The following VRK1 variants were observed in gnomAD, a reference collection of about 807,000 sequenced individuals.
VRK1 encodes VRK serine/threonine kinase 1, also known as serine/threonine-protein kinase VRK1.
In VRK1, 33 loss-of-function variants were observed where a neutral mutation model predicts 57.1. The ratio of observed to expected loss-of-function variants is 0.58; its 90% CI spans 0.44 to 0.77. The LOEUF (loss-of-function observed/expected upper bound fraction) is 0.77, where lower values mean the gene tolerates loss of function less well. Ranked by LOEUF, VRK1 falls within the 30% of genes least tolerant of loss-of-function variation. The pLI, the probability that VRK1 is intolerant of heterozygous loss-of-function variation, is 0.00. For synonymous variants in VRK1, 137 were observed against 147.8 expected, an observed-to-expected ratio of 0.93 and a Z score of 0.53; for missense variants, 413 against 477.3, an observed-to-expected ratio of 0.87 and a Z score of 1.25.
intron 12 of VRK1, among the ~76,000 whole-genome samples, chr14:96,876,605 C>G (rs764922856): frequency 6.6e-6 from 1 of 152,054 alleles, no homozygotes; most frequent in Non-Finnish European, 1.5e-5. Flanking sequence ...TCACACTGAT[C>G]CCACATAACT....
chr14:96,819,551 CTG>C (rs891554320), intron 1 of VRK1, among the ~76,000 whole-genome samples: 3 of 152,138 alleles, frequency 2.0e-5, no homozygotes, highest in Non-Finnish European at 2.9e-5. Context: ...CGGTTTTGGA[CTG>C]TGAATTTTAA....
intron 5 of VRK1, among the ~76,000 whole-genome samples, chr14:96,851,523 A>G (rs981592037): frequency 6.6e-6 from 1 of 152,208 alleles, no homozygotes; most frequent in Non-Finnish European, 1.5e-5. Flanking sequence ...AGATGTTTAG[A>G]CAAGATGATT....
intron 12 of VRK1, among the ~76,000 whole-genome samples, chr14:96,876,471 T>C (rs964720182): frequency 6.6e-6 from 1 of 151,904 alleles, no homozygotes; most frequent in East Asian, 1.9e-4. Flanking sequence ...GGAGTTTGAG[T>C]CCAGTCTGGG....
Position 96,876,021 on chromosome 14 carries a change from A to T in VRK1, c.1069-9A>T, listed in dbSNP as rs767585930. On this transcript the variant is annotated splice_polypyrimidine_tract_variant and intron_variant, in intron 11 of 12. Coordinates refer to ENST00000216639, the MANE Select transcript of VRK1 (RefSeq NM_003384.3). Reference sequence around the variant, plus strand: ...TATCTCTCTCTCTCTCTTTAATTTTATATGTAAGAAGCGAAAGAAAGAAAT... The same window carrying T: ...TATCTCTCTCTCTCTCTTTAATTTTTTATGTAAGAAGCGAAAGAAAGAAAT... The T allele has an allele frequency of 4.3e-6, 7 of 1,612,108 alleles. No homozygotes were observed. The highest frequency in any genetic ancestry group is 5.9e-6 in the Non-Finnish European group (7 of 1,178,868).
chr14:96,842,081 A>T (rs1159899908), intron 3 of VRK1, among the ~76,000 whole-genome samples: 1 of 152,116 alleles, frequency 6.6e-6, no homozygotes, highest in African/African-American at 2.4e-5. Context: ...AAGTTATCTG[A>T]TAAGGACCTT....
chr14:96,847,656 C>T (rs1286548878), intron 5 of VRK1, among the ~76,000 whole-genome samples: 1 of 151,934 alleles, frequency 6.6e-6, no homozygotes, highest in African/African-American at 2.4e-5. Context: ...TTCCTCCTTG[C>T]CTTTAGAAAT....
At chr14:96,849,239 CAAG>C (rs1887848841) in intron 5 of VRK1, among the ~76,000 whole-genome samples, 1 of 151,950 alleles carries the variant, frequency 6.6e-6, no homozygotes, top group South Asian at 2.1e-4. Context: ...GGGAGTAAGA[CAAG>C]AAAAACCCTT....
At chr14:96,813,617 A>G (rs1228971492) in intron 1 of VRK1, among the ~76,000 whole-genome samples, 1 of 152,084 alleles carries the variant, frequency 6.6e-6, no homozygotes, top group East Asian at 1.9e-4. Flanking sequence ...TTTGGAAGTC[A>G]TATTTCTTTT....
At chr14:96,818,939 T>C (rs1289210735) in intron 1 of VRK1, among the ~76,000 whole-genome samples, 7 of 152,222 alleles carry the variant, frequency 4.6e-5, no homozygotes, top group Middle Eastern at 3.2e-3. Context: ...ATTTTATTTT[T>C]CAAATGATTT....
chr14:96,820,686 C>T (rs1886566122), intron 1 of VRK1, among the ~76,000 whole-genome samples: 1 of 152,056 alleles, frequency 6.6e-6, no homozygotes, highest in African/African-American at 2.4e-5. Context: ...TGAGAAATGT[C>T]CATTAAAATG....
chr14:96,846,238 A>G, intron 4 of VRK1, 74 bp downstream of exon 4: 2 of 1,359,680 alleles, frequency 1.5e-6, no homozygotes, highest in Non-Finnish European at 2.1e-6. Flanking sequence ...GACCTAGAGC[A>G]TTGTATCTTA....
In VRK1 at chr14:96,837,791, A is replaced by G; in HGVS notation, c.190A>G (p.Ser64Gly). Residue 64 changes from serine (S) to glycine (G), a missense_variant, in exon 3 of 13, where the codon AGT becomes GGT. By Grantham distance (56) the Ser-to-Gly change is moderately conservative. This residue lies in a region of VRK1 where 116 missense variants were observed against 113.6 expected (regional missense o/e 1.02). Coordinates refer to ENST00000216639, the MANE Select transcript of VRK1 (RefSeq NM_003384.3). ...TATGAATTCTTCAGAGTCAGTTGGC[A>G]GTGATGCACCTTGTGTTGTAAAAGT... is the stretch of plus-strand genomic sequence containing the variant. ...ADMNSSESVG[S>G]DAPCVVKVEP... 1 of 1,564,736 alleles carries G rather than the reference A, an allele frequency of 6.4e-7. No individual in the cohort carries two copies.
intron 4 of VRK1, 88 bp from the exon 5 acceptor site, chr14:96,847,169 A>G: frequency 2.0e-6 from 2 of 1,011,716 alleles, no homozygotes; most frequent in Non-Finnish European, 3.1e-6. Context: ...TATTGCATGT[A>G]TAAATACATT....
intron 1 of VRK1, among the ~76,000 whole-genome samples, chr14:96,799,983 G>T (rs1281689846): frequency 6.7e-6 from 1 of 148,580 alleles, no homozygotes; most frequent in Non-Finnish European, 1.5e-5. Flanking sequence ...CTAGCATCCA[G>T]CACAGAATAA....
At chr14:96,822,663 A>G (rs1341521095) in intron 1 of VRK1, among the ~76,000 whole-genome samples, 1 of 152,218 alleles carries the variant, frequency 6.6e-6, no homozygotes, top group Non-Finnish European at 1.5e-5. Flanking sequence ...CAAATGTAAA[A>G]TCTTTGGTGA....
Position 96,832,421 on chromosome 14 carries a change from A to G in VRK1, c.-5-1046A>G, listed in dbSNP as rs1887042830. Reference sequence around the variant, plus strand: ...ACTTATTTTAAATCTTTTTTGATTAACATTTATAGAACCGAGAGTTTGAAA... The same window carrying G: ...ACTTATTTTAAATCTTTTTTGATTAGCATTTATAGAACCGAGAGTTTGAAA... On this transcript the variant is annotated intron_variant, in intron 1 of 12. Transcript: ENST00000216639. Among the ~76,000 whole-genome samples, 5 of 152,204 alleles carry G rather than the reference A, an allele frequency of 3.3e-5. No individual in the cohort carries two copies. In the South Asian group the frequency reaches 1.0e-3, roughly 31 times the overall value.
chr14:96,806,023 T>C (rs1038754085), intron 1 of VRK1, among the ~76,000 whole-genome samples: 1 of 151,124 alleles, frequency 6.6e-6, no homozygotes, highest in South Asian at 2.1e-4. Context: ...CAAGCTCTTA[T>C]AGTGCTATGC....
At chr14:96,880,011 C>T (rs575724535) in intron 12 of VRK1, among the ~76,000 whole-genome samples, 3 of 151,528 alleles carry the variant, frequency 2.0e-5, no homozygotes, top group South Asian at 4.2e-4. Context: ...AATAGATGGC[C>T]GTGTTACAGA....
intron 1 of VRK1, among the ~76,000 whole-genome samples, chr14:96,815,696 C>T (rs1886365380): frequency 1.3e-5 from 2 of 150,916 alleles, no homozygotes; most frequent in African/African-American, 4.9e-5. Context: ...CCAACCTGGG[C>T]AACATAGCCA....
Sources: gnomAD v4.1 joint callset for allele counts (sites outside exome capture counted in the v4.1 genomes callset) on GRCh38, gnomAD v4.1.1 for gene constraint, gnomAD v4.1.1 regional missense constraint, MANE v1.5 for transcripts, NCBI Gene and HGNC (gene_info 2026-07-23, HGNC 2026-07-21) for gene names.